TBC1D32: variants seen among roughly 807,000 people sequenced by gnomAD.
TBC1D32 encodes protein broad-minded.
In TBC1D32, 151 loss-of-function variants were observed where a neutral mutation model predicts 170.3. The ratio of observed to expected loss-of-function variants is 0.89; its 90% CI spans 0.78 to 1.01. The LOEUF (loss-of-function observed/expected upper bound fraction) is 1.01. Among genes scored for constraint, TBC1D32 ranks in the 50% least tolerant of loss-of-function variants. The probability of loss-of-function intolerance (pLI) is 0.00; values close to 1 mark genes in which losing one functional copy is unlikely to be tolerated. For synonymous variants in TBC1D32, 498 were observed against 488.0 expected, an observed-to-expected ratio of 1.02 and a Z score of -0.27; for missense variants, 1,464 against 1,457.1, an observed-to-expected ratio of 1.00 and a Z score of -0.08.
At chr6:121,272,173 T>A (rs910970604) in intron 15 of TBC1D32, among the ~76,000 whole-genome samples, 1 of 152,046 alleles carries the variant, frequency 6.6e-6, no homozygotes, top group Non-Finnish European at 1.5e-5. Flanking sequence ...AACCTAGGCA[T>A]TACCATTCAG....
intron 21 of TBC1D32, among the ~76,000 whole-genome samples, chr6:121,215,533 C>T (rs1236438747): frequency 6.6e-6 from 1 of 152,188 alleles, no homozygotes; most frequent in African/African-American, 2.4e-5. Context: ...ACTTTAAGTG[C>T]TTCCTCACAG....
At chr6:121,098,774 A>G (rs1054478154) in intron 30 of TBC1D32, among the ~76,000 whole-genome samples, 1 of 152,030 alleles carries the variant, frequency 6.6e-6, no homozygotes, top group African/African-American at 2.4e-5. Context: ...ACACAGAGCA[A>G]AATCATCCAC....
In TBC1D32 at chr6:121,080,658, T is replaced by C. The variant is rs913060151; in HGVS notation, c.*113A>G. The stretch of plus-strand genomic sequence containing the variant: ...ATATATCGTTATACTTCTCAGTATT[T>C]ACAATATGTATATTCACAAAGTAAA... On this transcript the variant is annotated 3_prime_UTR_variant, in exon 32 of 32. Coordinates refer to ENST00000398212, the MANE Select transcript of TBC1D32 (RefSeq NM_152730.6). The C allele has an allele frequency of 2.3e-6, 3 of 1,316,348 alleles. No homozygotes were observed. Among genetic ancestry groups the C allele is most frequent in the Admixed American group, 2.5e-5 (1 of 39,802 alleles). The allele number at this position is 1,316,348 out of a possible 1,614,324, so 81.5% of individuals were successfully genotyped here. A position where few individuals can be genotyped will look rare whatever the true frequency, so the allele number is the denominator to read the frequency against.
chr6:121,156,128 C>T (rs150653534), intron 24 of TBC1D32, among the ~76,000 whole-genome samples: 42 of 150,854 alleles, frequency 2.8e-4, no homozygotes, highest in Middle Eastern at 3.4e-3. Flanking sequence ...CTGTATGAAT[C>T]CATCTGGTCC....
rs772930686 is a variant in TBC1D32, at chr6:121,304,439, G to A, written c.874-13C>T. The A allele has an allele frequency of 5.6e-6, 9 of 1,610,332 alleles. No homozygotes were observed. In the East Asian group the frequency reaches 1.8e-4, roughly 32 times the overall value. On this transcript the variant is annotated splice_polypyrimidine_tract_variant and intron_variant, in intron 7 of 31. Coordinates refer to ENST00000398212, the MANE Select transcript of TBC1D32 (RefSeq NM_152730.6). ...TTAGAAGACGAACCTACAAAGCAGT[G>A]CACAATAGTTCTCAAAAAATTAGCA...
intron 17 of TBC1D32, among the ~76,000 whole-genome samples, chr6:121,248,988 C>T (rs954828477): frequency 2.0e-5 from 3 of 151,674 alleles, no homozygotes; most frequent in African/African-American, 7.3e-5. Flanking sequence ...CACAAAAGGA[C>T]ATAACATAAA....
intron 3 of TBC1D32, among the ~76,000 whole-genome samples, chr6:121,314,382 G>A (rs1281634856): frequency 6.6e-6 from 1 of 152,178 alleles, no homozygotes; most frequent in Non-Finnish European, 1.5e-5. Context: ...CATGTCATGT[G>A]ACATGTTCAC....
chr6:121,242,714 A>G (rs893297838), intron 17 of TBC1D32, among the ~76,000 whole-genome samples: 8 of 152,020 alleles, frequency 5.3e-5, no homozygotes, highest in Admixed American at 1.3e-4. Flanking sequence ...CTTTCTTTTC[A>G]TTATAAAGTA....
chr6:121,309,870 C>G (rs914326613), intron 4 of TBC1D32, among the ~76,000 whole-genome samples: 1 of 151,864 alleles, frequency 6.6e-6, no homozygotes, highest in Non-Finnish European at 1.5e-5. Flanking sequence ...CCCATCTGTA[C>G]AAAAAATACA....
chr6:121,092,699 T>C (rs1247813030), intron 30 of TBC1D32, among the ~76,000 whole-genome samples: 1 of 152,176 alleles, frequency 6.6e-6, no homozygotes, highest in African/African-American at 2.4e-5. Flanking sequence ...TGTCTTCACA[T>C]GGACTTCCCT....
intron 30 of TBC1D32, among the ~76,000 whole-genome samples, chr6:121,101,934 T>C (rs928368979): frequency 1.3e-5 from 2 of 152,108 alleles, no homozygotes. Context: ...AGCATTCTTA[T>C]ACACCGATAA....
chr6:121,272,383 T>A (rs1226552982), intron 15 of TBC1D32, among the ~76,000 whole-genome samples: 1 of 151,832 alleles, frequency 6.6e-6, no homozygotes, highest in Admixed American at 6.6e-5. Context: ...ATATCCAGAA[T>A]CTACAAAGAA....
chr6:121,310,338 A>G lies in TBC1D32; in HGVS notation c.564+441T>C, dbSNP rs187922977. Among the ~76,000 whole-genome samples the G allele has an allele frequency of 1.5e-3, 235 of 152,316 alleles. 2 individuals are homozygous for G. Among genetic ancestry groups the G allele is most frequent in the African/African-American group, 5.3e-3 (222 of 41,578 alleles). ...CATTCCTCAGTGTATACATATTTCA[A>G]AACATGTTGTACAAGACGAATATAC... On this transcript the variant is annotated intron_variant, in intron 4 of 31. Coordinates refer to ENST00000398212, the MANE Select transcript of TBC1D32 (RefSeq NM_152730.6).
rs911666295 is a variant in TBC1D32, at chr6:121,256,252, C to T, written c.1767G>A (p.Ser589=). 9 of 1,613,320 alleles carry T rather than the reference C, an allele frequency of 5.6e-6. No individual in the cohort carries two copies. The highest frequency in any genetic ancestry group is 4.0e-5 in the African/African-American group (3 of 74,958). The change falls in exon 16 of 32, where the codon TCG becomes TCA. Residue 589 remains serine, a synonymous_variant. Transcript: ENST00000398212. ...PTGAHIIAQF[S]KKLLDEDISI... ...AAATATCTTCATCGAGAAGTTTTTT[C>T]GAAAACTGGGCAATTATATGAGCAC...
At chr6:121,297,794 C>A (rs890358638) in intron 10 of TBC1D32, among the ~76,000 whole-genome samples, 6 of 152,072 alleles carry the variant, frequency 3.9e-5, no homozygotes, top group African/African-American at 1.4e-4. Context: ...TACAGTTTCT[C>A]ATTTACTCTA....
At chr6:121,180,865 G>A (rs186276202) in intron 22 of TBC1D32, among the ~76,000 whole-genome samples, 3 of 151,850 alleles carry the variant, frequency 2.0e-5, no homozygotes, top group Admixed American at 1.3e-4. Context: ...AATATATAAG[G>A]AATTCAAACA....
chr6:121,206,441 A>C (rs1792286465), intron 21 of TBC1D32, among the ~76,000 whole-genome samples: 1 of 152,176 alleles, frequency 6.6e-6, no homozygotes, highest in Admixed American at 6.5e-5. Context: ...AAGTCACATA[A>C]TATTTATTGA....
intron 24 of TBC1D32, among the ~76,000 whole-genome samples, chr6:121,142,637 T>A (rs1319705869): frequency 6.6e-6 from 1 of 152,166 alleles, no homozygotes; most frequent in Non-Finnish European, 1.5e-5. Flanking sequence ...TGTGTCTCTG[T>A]GATGCTTTCA....
At chr6:121,138,876 G>T (rs1201170219) in intron 24 of TBC1D32, among the ~76,000 whole-genome samples, 3 of 146,788 alleles carry the variant, frequency 2.0e-5, no homozygotes, top group African/African-American at 5.1e-5. Flanking sequence ...ACGGAGTCTC[G>T]CTCTGTCGCC....
Sources: gnomAD v4.1 joint callset for allele counts (sites outside exome capture counted in the v4.1 genomes callset) on GRCh38, gnomAD v4.1.1 for gene constraint, MANE v1.5 for transcripts, NCBI Gene and HGNC (gene_info 2026-07-23, HGNC 2026-07-21) for gene names.